The following CDH13 variants were observed in gnomAD, a reference collection of about 807,000 sequenced individuals.
CDH13 encodes cadherin 13.
CDH13 carries 24 observed loss-of-function variants against 63.8 expected under a neutral mutation model. The observed-to-expected ratio is 0.38, with a 90% CI of 0.27 to 0.53. The LOEUF (loss-of-function observed/expected upper bound fraction) is 0.53. Ranked by LOEUF, CDH13 falls within the 20% of genes least tolerant of loss-of-function variation. CDH13 has a pLI of 0.85. For synonymous variants in CDH13, 503 were observed against 355.3 expected (o/e 1.42, Z -4.67); for missense variants, 1,049 against 903.1 (o/e 1.16, Z -2.07).
intron 2 of CDH13, among the ~76,000 whole-genome samples, chr16:82,940,266 C>T (rs1358780873): frequency 1.3e-5 from 2 of 152,300 alleles, no homozygotes; most frequent in Non-Finnish European, 1.5e-5. Flanking sequence ...CACTTGAATA[C>T]GTTGCCTTGA....
chr16:83,690,662 G>A (rs1904768221), intron 10 of CDH13, among the ~76,000 whole-genome samples: 2 of 152,184 alleles, frequency 1.3e-5, no homozygotes, highest in Non-Finnish European at 2.9e-5. Context: ...GAGGCCATAT[G>A]GGTCTGGGCA....
chr16:82,921,229 G>A (rs181596523), intron 2 of CDH13, among the ~76,000 whole-genome samples: 37 of 152,028 alleles, frequency 2.4e-4, no homozygotes, highest in African/African-American at 5.3e-4. Flanking sequence ...GTCCAAAATC[G>A]GCATCAGTGG....
intron 8 of CDH13, among the ~76,000 whole-genome samples, chr16:83,655,959 G>GT (rs966303208): frequency 9.1e-4 from 138 of 152,258 alleles, no homozygotes; most frequent in African/African-American, 3.2e-3. Context: ...GTTGGTAGGG[G>GT]TGGGACACAG....
chr16:82,810,962 G>A (rs886965166), intron 1 of CDH13, among the ~76,000 whole-genome samples: 2 of 152,126 alleles, frequency 1.3e-5, no homozygotes, highest in Admixed American at 1.3e-4. Context: ...TGCTTCGTGT[G>A]CCCTGGACCC....
intron 7 of CDH13, among the ~76,000 whole-genome samples, chr16:83,556,561 C>A (rs2075606428): frequency 1.3e-5 from 2 of 152,198 alleles, no homozygotes; most frequent in African/African-American, 4.8e-5. Flanking sequence ...CATCCCCAAT[C>A]ACAAAGCCAT....
At chr16:83,692,098 C>A (rs1220094084) in intron 10 of CDH13, among the ~76,000 whole-genome samples, 1 of 152,232 alleles carries the variant, frequency 6.6e-6, no homozygotes, top group African/African-American at 2.4e-5. Context: ...GCCTCCCAAA[C>A]CAAACTGAAG....
chr16:82,844,823 T>TTA (rs1023943198), intron 1 of CDH13: 9 of 129,636 alleles, frequency 6.9e-5, no homozygotes, highest in Non-Finnish European at 9.9e-5. Flanking sequence ...TTTTTATTTT[T>TTA]TTTTTGTATC....
chr16:82,879,148 C>G (rs2040606451), intron 2 of CDH13, among the ~76,000 whole-genome samples: 1 of 152,150 alleles, frequency 6.6e-6, no homozygotes, highest in Non-Finnish European at 1.5e-5. Context: ...CATCACAGCT[C>G]TGGTCCTCAT....
At position 83,402,219 on chromosome 16, in the gene CDH13, A is replaced by G. The variant is rs907144367; in HGVS notation, c.781+57213A>G. 5.3e-5 allele frequency among the ~76,000 whole-genome samples: 8 copies of G among 152,256 alleles called. 1 individual carries two copies. The highest frequency in any genetic ancestry group is 5.2e-4 in the Admixed American group (8 of 15,304). On this transcript the variant is annotated intron_variant, in intron 6 of 13. Transcript: ENST00000567109. ...TACTCCTCCTCTTGCTGCTGCTGCT[A>G]AAGTAGCAAAACTGTCTGGCTCCCG...
chr16:82,662,753 C>T (rs886078413), intron 1 of CDH13, among the ~76,000 whole-genome samples: 3 of 152,192 alleles, frequency 2.0e-5, no homozygotes, highest in Non-Finnish European at 4.4e-5. Context: ...TCAAATAGCG[C>T]CTGAGAGGCT....
intron 5 of CDH13, among the ~76,000 whole-genome samples, chr16:83,250,149 C>A (rs947486821): frequency 1.6e-4 from 25 of 152,164 alleles, no homozygotes; most frequent in African/African-American, 5.8e-4. Context: ...TAAAATAAAA[C>A]AATTTTGGTC....
chr16:82,653,205 T>C (rs931826026), intron 1 of CDH13, among the ~76,000 whole-genome samples: 4 of 152,078 alleles, frequency 2.6e-5, no homozygotes, highest in Non-Finnish European at 4.4e-5. Flanking sequence ...AGGGGGTGGG[T>C]GGATGGTTTC....
chr16:82,972,990 AG>A (rs1908987388), intron 2 of CDH13, among the ~76,000 whole-genome samples: 1 of 152,122 alleles, frequency 6.6e-6, no homozygotes, highest in African/African-American at 2.4e-5. Context: ...TTTGTTCTGG[AG>A]TCTCGACCCA....
chr16:83,094,098 A>T (rs1369397361), intron 3 of CDH13, among the ~76,000 whole-genome samples: 1 of 152,170 alleles, frequency 6.6e-6, no homozygotes, highest in Non-Finnish European at 1.5e-5. Context: ...TCAGCAATTA[A>T]TCCTCATTGT....
chr16:82,825,438 A>C (rs976566650), intron 1 of CDH13: 4 of 152,210 alleles, frequency 2.6e-5, no homozygotes, highest in South Asian at 2.1e-4. Flanking sequence ...ACTTCAAAAA[A>C]ACAAAATGAA....
At chr16:83,718,032 C>A (rs756355066) in intron 10 of CDH13, 1 of 152,286 alleles carries the variant, frequency 6.6e-6, no homozygotes, top group African/African-American at 2.4e-5. Flanking sequence ...ATGACTGTGA[C>A]TGTCTTACTT....
rs150563822 is a variant in CDH13 at position 82,684,232 on chromosome 16, C to A, written c.45+57095C>A. 8.7e-3 allele frequency among the ~76,000 whole-genome samples: 1,331 copies of A among 152,300 alleles called. 18 individuals carry two copies. Among genetic ancestry groups the A allele is most frequent in the African/African-American group, 0.025 (1,053 of 41,560 alleles). ...TGAGGCAGATCCCTAGAGCTCAGATCTAGGATTCAGAACGAAACGGTGACT... is the reference window on the plus strand; with the variant it reads ...TGAGGCAGATCCCTAGAGCTCAGATATAGGATTCAGAACGAAACGGTGACT... On this transcript the variant is annotated intron_variant, in intron 1 of 13. Coordinates refer to ENST00000567109, the MANE Select transcript of CDH13 (RefSeq NM_001257.5).
chr16:83,098,995 A>G (rs974207928), intron 3 of CDH13, among the ~76,000 whole-genome samples: 8 of 152,166 alleles, frequency 5.3e-5, no homozygotes, highest in Non-Finnish European at 1.0e-4. Context: ...GAAAAATAAT[A>G]GCTAACACTT....
intron 6 of CDH13, among the ~76,000 whole-genome samples, chr16:83,459,901 A>G (rs987820534): frequency 2.6e-5 from 4 of 152,218 alleles, no homozygotes; most frequent in Admixed American, 2.6e-4. Flanking sequence ...CATAATTCAC[A>G]TAGATTTCAG....
Sources: allele counts gnomAD v4.1 joint callset (sites outside exome capture counted in the v4.1 genomes callset), GRCh38; gene constraint gnomAD v4.1.1; transcripts MANE v1.5; gene names NCBI Gene and HGNC (gene_info 2026-07-23, HGNC 2026-07-21).